Variants in LARP4 observed in about 807,000 individuals in gnomAD.
The protein encoded by LARP4 is la-related protein 4.
In LARP4, 29 loss-of-function variants were observed where a neutral mutation model predicts 92.9. That is an observed-to-expected ratio of 0.31 (90% CI 0.23 to 0.43). The LOEUF is 0.43. Among genes scored for constraint, LARP4 ranks in the 20% least tolerant of loss-of-function variants. The pLI, the probability that LARP4 is intolerant of heterozygous loss-of-function variation, is 1.00. For synonymous variants in LARP4, 279 were observed against 284.1 expected, an observed-to-expected ratio of 0.98 and a Z score of 0.18; for missense variants, 732 against 860.0, an observed-to-expected ratio of 0.85 and a Z score of 1.86.
chr12:50,402,807 T>A (rs1457332536), intron 1 of LARP4: 2 of 455,274 alleles, frequency 4.4e-6, no homozygotes, highest in South Asian at 1.6e-5. Flanking sequence ...CCTGTCCGAC[T>A]CCCCAGGTTA....
chr12:50,473,607 T>G, intron 14 of LARP4, 71 bp downstream of exon 14: 1 of 1,518,784 alleles, frequency 6.6e-7, no homozygotes, highest in East Asian at 2.4e-5. Context: ...GGCTCTCACC[T>G]GTAATCCCAG....
intron 8 of LARP4, 48 bp from the exon 9 acceptor site, chr12:50,453,412 T>A (rs565545941): frequency 8.8e-5 from 97 of 1,103,184 alleles, no homozygotes; most frequent in Admixed American, 2.0e-4. Context: ...ATGTATTTTT[T>A]AAAATATACA....
Position 50,466,549 on chromosome 12 carries a change from G to A in LARP4, c.1384-410G>A, listed in dbSNP as rs147021609. ...GGATTACTTGAGTCCAGGAAGTCAA[G>A]GTTGTAGTGAGCTATGATTGTGTCA... On this transcript the variant is annotated intron_variant, in intron 12 of 15. Transcript: ENST00000398473. 2.0e-3 allele frequency among the ~76,000 whole-genome samples: 308 copies of A among 152,266 alleles called. 1 individual carries two copies. The highest frequency in any genetic ancestry group is 6.2e-3 in the African/African-American group (258 of 41,552).
At chr12:50,437,483 G>A (rs1345548653) in intron 5 of LARP4, among the ~76,000 whole-genome samples, 1 of 152,148 alleles carries the variant, frequency 6.6e-6, no homozygotes, top group Non-Finnish European at 1.5e-5. Context: ...CCTGAAGGCA[G>A]TGCCAAACTT....
intron 6 of LARP4, among the ~76,000 whole-genome samples, chr12:50,439,972 C>T (rs1006115316): frequency 3.3e-5 from 5 of 152,064 alleles, no homozygotes; most frequent in South Asian, 2.1e-4. Flanking sequence ...AATGAGAATG[C>T]GTGAAAATTT....
intron 10 of LARP4, chr12:50,454,667 A>G (rs941915026): frequency 6.1e-6 from 2 of 328,594 alleles, no homozygotes; most frequent in African/African-American, 4.3e-5. Context: ...TAGAAAAAAT[A>G]TTTCATGACA....
At chr12:50,418,106 C>A (rs1401632109) in intron 1 of LARP4, among the ~76,000 whole-genome samples, 1 of 152,188 alleles carries the variant, frequency 6.6e-6, no homozygotes, top group Non-Finnish European at 1.5e-5. Flanking sequence ...GGTGATCCAC[C>A]CGCCTTGGCC....
intron 12 of LARP4, among the ~76,000 whole-genome samples, chr12:50,465,371 C>A (rs373176438): frequency 0.017 from 1,877 of 111,804 alleles, no homozygotes; most frequent in Middle Eastern, 0.023. Flanking sequence ...GACTCTGTCT[C>A]AAAAAAAAAA....
Position 50,429,013 on chromosome 12 carries a change from C to A in LARP4, c.245C>A (p.Thr82Asn), listed in dbSNP as rs753238473. The change falls in exon 3 of 16, where the codon ACT becomes AAT. Residue 82 changes from threonine (T) to asparagine (N), a missense_variant. Physicochemically the swap from Thr to Asn is moderately conservative, Grantham distance 65 (BLOSUM62 0). Coordinates refer to ENST00000398473, the MANE Select transcript of LARP4 (RefSeq NM_052879.5). ...TCATCTTGTGAAACCACAAGAAATA[C>A]TACAGGCATTGAAGAATCAACTGAT... The part of the protein sequence containing the change: ...YSSSCETTRN[T>N]TGIEESTDGM... The A allele has an allele frequency of 6.2e-7, 1 of 1,609,044 alleles. No individual in the cohort carries two copies. The highest frequency in any genetic ancestry group is 8.5e-7 in the Non-Finnish European group (1 of 1,176,280).
At chr12:50,443,599 T>A (rs1018917522) in intron 8 of LARP4, among the ~76,000 whole-genome samples, 3 of 151,812 alleles carry the variant, frequency 2.0e-5, no homozygotes, top group Admixed American at 1.3e-4. Flanking sequence ...TAATTTAATT[T>A]AATTTTATTT....
At chr12:50,402,679 C>T (rs745726800) in intron 1 of LARP4, 1 of 428,286 alleles carries the variant, frequency 2.3e-6, no homozygotes, top group Non-Finnish European at 4.6e-6. Context: ...TTACAGATGA[C>T]AAAACCGAGC....
At chr12:50,434,607 A>G (rs1421958294) in intron 4 of LARP4, among the ~76,000 whole-genome samples, 2 of 150,198 alleles carry the variant, frequency 1.3e-5, no homozygotes, top group African/African-American at 4.9e-5. Flanking sequence ...GGGTTTCACC[A>G]TGTTGGCCAG....
In LARP4 at chr12:50,461,237, T is replaced by G. The variant is rs370323231; in HGVS notation, c.1224T>G (p.Phe408Leu). The change falls in exon 11 of 16, where the codon TTT becomes TTG. Residue 408 changes from phenylalanine to leucine, a missense_variant. Phe to Leu is a conservative substitution (Grantham distance 22). Transcript: ENST00000398473. ...TGAACAGATATAGTTCAAGAAACTTTCCAGCTGAACGGCATAACCCCACAG... is the reference window on the plus strand; with the variant it reads ...TGAACAGATATAGTTCAAGAAACTTGCCAGCTGAACGGCATAACCCCACAG... The part of the protein sequence containing the change: ...GQLNRYSSRN[F>L]PAERHNPTVT... 106 of 1,613,990 alleles carry G rather than the reference T, an allele frequency of 6.6e-5. No homozygotes were observed. The highest frequency in any genetic ancestry group is 1.5e-4 in the South Asian group (14 of 91,078).
intron 1 of LARP4, among the ~76,000 whole-genome samples, chr12:50,423,946 G>T (rs1376695922): frequency 6.6e-6 from 1 of 152,024 alleles, no homozygotes; most frequent in African/African-American, 2.4e-5. Flanking sequence ...AGTAGAGACA[G>T]GGTTTCACCA....
intron 1 of LARP4, among the ~76,000 whole-genome samples, chr12:50,421,719 G>C (rs1425737727): frequency 6.6e-6 from 1 of 152,008 alleles, no homozygotes; most frequent in Non-Finnish European, 1.5e-5. Flanking sequence ...ACACCAATCT[G>C]GTCTGGTTAC....
chr12:50,473,823 T>TG (rs1957227898), intron 14 of LARP4, among the ~76,000 whole-genome samples, 176 bp from the exon 15 acceptor site: 1 of 18,092 alleles, frequency 5.5e-5, no homozygotes, highest in Non-Finnish European at 1.3e-4. Flanking sequence ...GTGGGGGGGG[T>TG]GGGGGGTGCG....
At chr12:50,402,679 CA>C in intron 1 of LARP4, 1 of 428,404 alleles carries the variant, frequency 2.3e-6, no homozygotes, top group Admixed American at 2.7e-5. Flanking sequence ...TTACAGATGA[CA>C]AAACCGAGCC....
intron 13 of LARP4, among the ~76,000 whole-genome samples, chr12:50,470,534 A>C (rs1188997258): frequency 6.6e-6 from 1 of 151,890 alleles, no homozygotes; most frequent in Non-Finnish European, 1.5e-5. Context: ...CCCAGGTTCA[A>C]GCGATTCTCC....
intron 12 of LARP4, 52 bp downstream of exon 12, chr12:50,462,682 ATGGC>A (rs768972593): frequency 8.3e-7 from 1 of 1,205,664 alleles, no homozygotes; most frequent in African/African-American, 1.5e-5. Flanking sequence ...GTGATTTACT[ATGGC>A]ATTGACTTTC....
Sources: allele counts gnomAD v4.1 joint callset (sites outside exome capture counted in the v4.1 genomes callset), GRCh38; gene constraint gnomAD v4.1.1; transcripts MANE v1.5; gene names NCBI Gene and HGNC (gene_info 2026-07-23, HGNC 2026-07-21).